STARD13: variants seen among roughly 807,000 people sequenced by gnomAD.
The protein encoded by STARD13 is stAR-related lipid transfer protein 13.
Under a neutral mutation model 106.4 loss-of-function variants are expected in STARD13, and 62 were observed. That is an observed-to-expected ratio of 0.58 (90% CI 0.48 to 0.72). STARD13 has a LOEUF of 0.72. Among genes scored for constraint, STARD13 ranks in the 30% least tolerant of loss-of-function variants. STARD13 has a pLI of 0.00. For synonymous variants in STARD13, 565 were observed against 553.0 expected, an observed-to-expected ratio of 1.02 and a Z score of -0.31; for missense variants, 1,387 against 1,424.0, an observed-to-expected ratio of 0.97 and a Z score of 0.42.
the STARD13 span, among the ~76,000 whole-genome samples, chr13:33,605,178 G>T: frequency 1.3e-5 from 2 of 149,656 alleles, no homozygotes; most frequent in Admixed American, 6.7e-5. Context: ...GTTTGAAGTT[G>T]CAGTGAGCCA....
At chr13:33,462,971 G>T in the STARD13 span, among the ~76,000 whole-genome samples, 33 of 152,310 alleles carry the variant, frequency 2.2e-4, no homozygotes, top group African/African-American at 7.7e-4. Context: ...TTGTTGGAAG[G>T]TTAGAGTCCC....
the STARD13 span, among the ~76,000 whole-genome samples, chr13:33,366,266 G>T: frequency 6.6e-6 from 1 of 152,046 alleles, no homozygotes; most frequent in Non-Finnish European, 1.5e-5. The surrounding 1 kb of genome is among the most constrained non-coding windows in gnomAD (Gnocchi z 4.2). Context: ...AGAAAGACAG[G>T]ATCAAGGATA....
chr13:33,156,135 T>C (rs1418246929), intron 3 of STARD13, among the ~76,000 whole-genome samples: 2 of 152,186 alleles, frequency 1.3e-5, no homozygotes, highest in Non-Finnish European at 2.9e-5. Flanking sequence ...GCCATGGCGG[T>C]TCTGGATTAA....
At chr13:33,489,667 T>C in the STARD13 span, among the ~76,000 whole-genome samples, 1 of 152,246 alleles carries the variant, frequency 6.6e-6, no homozygotes, top group African/African-American at 2.4e-5. Flanking sequence ...AATTTACTTA[T>C]CCAGCTTCTA....
the STARD13 span, among the ~76,000 whole-genome samples, chr13:33,491,082 A>G: frequency 6.6e-6 from 1 of 152,222 alleles, no homozygotes; most frequent in African/African-American, 2.4e-5. Context: ...TGCTTATGAC[A>G]TGCTAGAGAA....
chr13:33,376,228 TAGTC>T, the STARD13 span, among the ~76,000 whole-genome samples: 608 of 152,300 alleles, frequency 4.0e-3, 2 homozygotes, highest in African/African-American at 0.014. Context: ...GATGAAGTGA[TAGTC>T]ATTCATTCAT....
intron 1 of STARD13, among the ~76,000 whole-genome samples, chr13:33,302,877 T>A (rs142031148): frequency 6.6e-6 from 1 of 152,264 alleles, no homozygotes; most frequent in African/African-American, 2.4e-5. Flanking sequence ...TACAATATCA[T>A]TCTGATACTA....
chr13:33,519,210 TTCTTTC>T, the STARD13 span, among the ~76,000 whole-genome samples: 2 of 65,772 alleles, frequency 3.0e-5, no homozygotes, highest in African/African-American at 6.3e-5. Flanking sequence ...TGGTAATTTT[TTCTTTC>T]TTTCTTTCTT....
intron 1 of STARD13, among the ~76,000 whole-genome samples, chr13:33,317,350 T>A (rs547628707): frequency 4.6e-5 from 7 of 152,226 alleles, no homozygotes; most frequent in African/African-American, 1.7e-4. Flanking sequence ...TCTTTAAGAG[T>A]CATCCAACAA....
the STARD13 span, among the ~76,000 whole-genome samples, chr13:33,413,010 C>A: frequency 6.6e-6 from 1 of 152,164 alleles, no homozygotes; most frequent in Non-Finnish European, 1.5e-5. Context: ...TAGACCTCAT[C>A]ATGGGCTGTA....
the STARD13 span, among the ~76,000 whole-genome samples, chr13:33,552,257 A>G: frequency 4.6e-5 from 7 of 152,234 alleles, no homozygotes; most frequent in East Asian, 3.8e-4. Flanking sequence ...TATGTTTTGT[A>G]TCACTTAACA....
At chr13:33,481,861 A>C in the STARD13 span, among the ~76,000 whole-genome samples, 2 of 36,488 alleles carry the variant, frequency 5.5e-5, no homozygotes, top group African/African-American at 4.8e-4. Context: ...GGGCGCCTGT[A>C]AGTCCCAGCT....
chr13:33,303,854 C>G (rs911221344), intron 1 of STARD13, among the ~76,000 whole-genome samples: 6 of 152,154 alleles, frequency 3.9e-5, no homozygotes, highest in African/African-American at 1.4e-4. Context: ...CCCTGGAAAC[C>G]TCACCTAGGA....
At chr13:33,483,244 T>C in the STARD13 span, among the ~76,000 whole-genome samples, 14 of 152,324 alleles carry the variant, frequency 9.2e-5, no homozygotes, top group East Asian at 2.3e-3. Context: ...CCTAAGACCA[T>C]GTGGTCCAAA....
At chr13:33,628,545 A>T in the STARD13 span, among the ~76,000 whole-genome samples, 2 of 152,238 alleles carry the variant, frequency 1.3e-5, no homozygotes, top group Non-Finnish European at 2.9e-5. Context: ...ATTGAATGTG[A>T]CAAAACTCAA....
the STARD13 span, among the ~76,000 whole-genome samples, chr13:33,456,674 A>G: frequency 0.016 from 2,482 of 152,170 alleles, 70 homozygotes; most frequent in African/African-American, 0.054. Flanking sequence ...ATCAGTCCAT[A>G]TGGCACAGCC....
At chr13:33,357,975 T>A in the STARD13 span, among the ~76,000 whole-genome samples, 2 of 152,170 alleles carry the variant, frequency 1.3e-5, no homozygotes, top group South Asian at 4.2e-4. Context: ...CAGGGAGGTG[T>A]GGAGGGAGAG....
the STARD13 span, among the ~76,000 whole-genome samples, chr13:33,490,585 A>T: frequency 3.3e-5 from 5 of 151,910 alleles, no homozygotes; most frequent in Non-Finnish European, 1.5e-5. Flanking sequence ...GGGTGGCCCA[A>T]CTCCAGGGGA....
chr13:33,388,052 G>A, the STARD13 span, among the ~76,000 whole-genome samples: 1 of 152,194 alleles, frequency 6.6e-6, no homozygotes, highest in African/African-American at 2.4e-5. Context: ...AAAGTGAAGG[G>A]TATGAGGGGA....
Sources: allele counts gnomAD v4.1 joint callset (sites outside exome capture counted in the v4.1 genomes callset), GRCh38; gene constraint gnomAD v4.1.1; non-coding constraint Gnocchi (gnomAD v3.1); transcripts MANE v1.5; gene names NCBI Gene and HGNC (gene_info 2026-07-23, HGNC 2026-07-21).